The following SETX variants were observed in gnomAD, a reference collection of about 807,000 sequenced individuals.
SETX encodes the protein senataxin.
A neutral mutation model predicts 227.2 loss-of-function variants in SETX; 90 were observed. That is an observed-to-expected ratio of 0.40 (90% CI 0.33 to 0.47). The LOEUF is 0.47. Ranked by LOEUF, SETX falls within the 20% of genes least tolerant of loss-of-function variation. The probability of loss-of-function intolerance (pLI) is 0.91; values close to 1 mark genes in which losing one functional copy is unlikely to be tolerated. For synonymous variants in SETX, 1,210 were observed against 1,113.2 expected, an observed-to-expected ratio of 1.09 and a Z score of -1.73; for missense variants, 3,052 against 3,181.5, an observed-to-expected ratio of 0.96 and a Z score of 0.98.
In SETX at chr9:132,329,249, C is replaced by T. The variant is rs538495653; in HGVS notation, c.2349G>A (p.Gln783=). 1.2e-6 allele frequency: 2 copies of T among 1,613,920 alleles called. No homozygotes were observed. The highest frequency in any genetic ancestry group is 2.2e-5 in the South Asian group (2 of 91,064). Residue 783 remains glutamine (Q), a synonymous_variant, in exon 10 of 26, where the codon CAG becomes CAA. Transcript: ENST00000224140. ...AKTSKRKTKV[Q]KDEICAKLSH... is the part of the protein sequence containing the mutation. ...ATAACTTTGCACAGATTTCATCTTTCTGTACCTTAGTTTTTCGTTTTGAGG... is the reference window on the plus strand; with the variant it reads ...ATAACTTTGCACAGATTTCATCTTTTTGTACCTTAGTTTTTCGTTTTGAGG...
Position 132,302,356 on chromosome 9 carries a change from CAAAAAAAAAA to C in SETX, c.5375-1563_5375-1554del, listed in dbSNP as rs35649212. Among the ~76,000 whole-genome samples the C allele has an allele frequency of 1.1e-4, 3 of 27,802 alleles. No homozygotes were observed. In the South Asian group the frequency reaches 4.3e-3, roughly 39 times the overall value. The allele number at this position is 27,802 out of a possible 152,430, so 18.2% of individuals were successfully genotyped here. On this transcript the variant is annotated intron_variant, in intron 11 of 25. Coordinates refer to ENST00000224140, the MANE Select transcript of SETX (RefSeq NM_015046.7). Reference sequence around the variant, plus strand: ...TGGGTGACAGAGCAAGAATCCATCTCAAAAAAAAAAAAAAAAAAAAAGGCCAGGTGTGGTG... The same window carrying C: ...TGGGTGACAGAGCAAGAATCCATCTCAAAAAAAAAAAGGCCAGGTGTGGTG...
intron 25 of SETX, among the ~76,000 whole-genome samples, chr9:132,267,005 A>C (rs1273456621): frequency 6.6e-6 from 1 of 152,232 alleles, no homozygotes; most frequent in African/African-American, 2.4e-5. Context: ...TTTTCTATGT[A>C]TGGATAAGAA....
At chr9:132,325,310 T>G (rs751258549) in intron 10 of SETX, among the ~76,000 whole-genome samples, 1 of 151,760 alleles carries the variant, frequency 6.6e-6, no homozygotes, top group Non-Finnish European at 1.5e-5. Flanking sequence ...GAGCCGAGAT[T>G]GCACCACTGC....
intron 11 of SETX, 69 bp from the exon 12 acceptor site, chr9:132,300,872 A>G (rs1844954463): frequency 1.4e-6 from 2 of 1,403,238 alleles, no homozygotes; most frequent in East Asian, 5.0e-5. Context: ...ATTAACTTAA[A>G]AGAAATTAAA....
In SETX at chr9:132,328,251, T is replaced by C. The variant is rs148550755; in HGVS notation, c.3347A>G (p.Asn1116Ser). Residue 1116 changes from asparagine to serine, a missense_variant, in exon 10 of 26, where the codon AAT becomes AGT. Physicochemically the swap from Asn to Ser is conservative, Grantham distance 46. Coordinates refer to ENST00000224140, the MANE Select transcript of SETX (RefSeq NM_015046.7). ...GEKKCLAPIA[N>S]TTNGQGCTDY... is the part of the protein sequence containing the mutation. ...TGTACAACCCTGACCATTTGTAGTATTGGCTATAGGAGCCAAACATTTTTT... is the reference window on the plus strand; with the variant it reads ...TGTACAACCCTGACCATTTGTAGTACTGGCTATAGGAGCCAAACATTTTTT... The C allele has an allele frequency of 6.2e-6, 10 of 1,614,078 alleles. No individual in the cohort carries two copies. Among genetic ancestry groups the C allele is most frequent in the South Asian group, 2.2e-5 (2 of 91,082 alleles).
At chr9:132,285,008 A>C (rs895257985) in intron 18 of SETX, among the ~76,000 whole-genome samples, 4 of 152,006 alleles carry the variant, frequency 2.6e-5, no homozygotes, top group African/African-American at 9.7e-5. Flanking sequence ...GCTCCCGAGT[A>C]GGTGGGATTA....
intron 5 of SETX, among the ~76,000 whole-genome samples, chr9:132,337,003 T>C (rs1411639245): frequency 6.6e-6 from 1 of 152,164 alleles, no homozygotes; most frequent in African/African-American, 2.4e-5. Flanking sequence ...TGGGGAAAGG[T>C]TGCAGTGAGC....
chr9:132,328,826 A>G lies in SETX; in HGVS notation c.2772T>C (p.Asp924=). Residue 924 remains aspartate, a synonymous_variant, in exon 10 of 26, where the codon GAT becomes GAC. Coordinates refer to ENST00000224140, the MANE Select transcript of SETX (RefSeq NM_015046.7). The part of the protein sequence containing the change: ...KDLMTVPESR[D]EEMSNSTSVI... ...CACTGGTACTATTACTCATCTCCTCATCTCTTGATTCAGGTACAGTCATAA... is the reference window on the plus strand; with the variant it reads ...CACTGGTACTATTACTCATCTCCTCGTCTCTTGATTCAGGTACAGTCATAA... 2 of 1,612,868 alleles carry G rather than the reference A, an allele frequency of 1.2e-6. No homozygotes were observed. Among genetic ancestry groups the G allele is most frequent in the Non-Finnish European group, 1.7e-6 (2 of 1,179,594 alleles).
chr9:132,309,403 C>T (rs533815529), intron 11 of SETX, among the ~76,000 whole-genome samples: 12 of 151,964 alleles, frequency 7.9e-5, no homozygotes, highest in African/African-American at 2.9e-4. Context: ...AAAAATGGAA[C>T]CCAACCCACA....
At chr9:132,334,814 G>A in intron 6 of SETX, 87 bp from the exon 7 acceptor site, 1 of 1,411,912 alleles carries the variant, frequency 7.1e-7, no homozygotes. Flanking sequence ...AACAAGGCAG[G>A]AAGATGAAGC....
At chr9:132,323,505 G>A (rs1289137816) in intron 10 of SETX, among the ~76,000 whole-genome samples, 3 of 152,064 alleles carry the variant, frequency 2.0e-5, no homozygotes, top group African/African-American at 4.8e-5. Flanking sequence ...GGAAGAGTGT[G>A]TGCAAGGGTT....
intron 10 of SETX, among the ~76,000 whole-genome samples, chr9:132,315,944 T>G (rs1845941126): frequency 1.3e-5 from 2 of 152,310 alleles, no homozygotes; most frequent in South Asian, 4.1e-4. Flanking sequence ...TTTAGACAAA[T>G]GGTAATCTAC....
rs1404779640 is a variant in SETX, at chr9:132,264,779, T to C, written c.7494A>G (p.Gly2498=). The C allele has an allele frequency of 2.5e-6, 4 of 1,614,124 alleles. No homozygotes were observed. In the South Asian group the frequency reaches 3.3e-5, roughly 13 times the overall value. The change falls in exon 26 of 26, where the codon GGA becomes GGG. Residue 2498 remains glycine, a synonymous_variant. Transcript: ENST00000224140. The part of the protein sequence containing the change: ...GGLPSSKLDS[G]FAKTSVAASL... ...AAGCAGCAACAGATGTCTTGGCAAA[T>C]CCACTGTCTAGCTTGCTGCTGGGCA...
intron 15 of SETX, among the ~76,000 whole-genome samples, chr9:132,289,290 A>G (rs1228935974): frequency 6.6e-6 from 1 of 152,246 alleles, no homozygotes; most frequent in Non-Finnish European, 1.5e-5. Flanking sequence ...ATAAGTTAAA[A>G]AATAAATCAG....
chr9:132,292,207 C>T (rs1844362472), intron 15 of SETX, among the ~76,000 whole-genome samples: 1 of 151,904 alleles, frequency 6.6e-6, no homozygotes, highest in African/African-American at 2.4e-5. Context: ...CCTTGGGAGG[C>T]TGAGGCAAGA....
chr9:132,267,215 G>C lies in SETX; in HGVS notation c.7288-2230C>G, dbSNP rs1842690128. Among the ~76,000 whole-genome samples, 4 of 152,346 alleles carry C rather than the reference G, an allele frequency of 2.6e-5. No homozygotes were observed. In the South Asian group the frequency reaches 8.3e-4, roughly 32 times the overall value. ...TTTTTCAAGGTTTGGAGAAAGTCAT[G>C]TGACCAGAATAAAATGCTTGGCCCG... On this transcript the variant is annotated intron_variant, in intron 25 of 25. Transcript: ENST00000224140.
Sources: allele counts gnomAD v4.1 joint callset (sites outside exome capture counted in the v4.1 genomes callset), GRCh38; gene constraint gnomAD v4.1.1; transcripts MANE v1.5; gene names NCBI Gene and HGNC (gene_info 2026-07-23, HGNC 2026-07-21).